The following NRF1 variants were observed in gnomAD, a reference collection of about 807,000 sequenced individuals.
NRF1 encodes alpha palindromic-binding protein.
In NRF1, 5 loss-of-function variants were observed where a neutral mutation model predicts 58.5. The ratio of observed to expected loss-of-function variants is 0.09; its 90% CI spans 0.04 to 0.18. The LOEUF is 0.18. Ranked by LOEUF, NRF1 falls within the 10% of genes least tolerant of loss-of-function variation. The pLI, the probability that NRF1 is intolerant of heterozygous loss-of-function variation, is 1.00. For synonymous variants in NRF1, 224 were observed against 246.7 expected, an observed-to-expected ratio of 0.91 and a Z score of 0.86; for missense variants, 288 against 657.7, an observed-to-expected ratio of 0.44 and a Z score of 6.15.
intron 1 of NRF1, among the ~76,000 whole-genome samples, chr7:129,651,865 G>A (rs1454976979): frequency 2.0e-5 from 3 of 152,168 alleles, no homozygotes; most frequent in Non-Finnish European, 4.4e-5. Flanking sequence ...ACAGGATATG[G>A]AAGGGTAGCT....
At chr7:129,690,567 A>G in intron 5 of NRF1, 21 bp downstream of exon 5, 1 of 1,613,724 alleles carries the variant, frequency 6.2e-7, no homozygotes, top group Non-Finnish European at 8.5e-7. Flanking sequence ...GGAGGTGAGG[A>G]GGAGACTCAA....
At chr7:129,661,066 A>G (rs1801769666) in intron 2 of NRF1, among the ~76,000 whole-genome samples, 1 of 151,354 alleles carries the variant, frequency 6.6e-6, no homozygotes, top group African/African-American at 2.5e-5. Flanking sequence ...GGAAGCTGCT[A>G]AGGCTTGGGG....
At chr7:129,671,342 T>A (rs1302680714) in intron 2 of NRF1, 87 bp from the exon 3 acceptor site, 1 of 727,404 alleles carries the variant, frequency 1.4e-6, no homozygotes, top group Non-Finnish European at 2.4e-6. Flanking sequence ...AGGAAAGCAG[T>A]GCTACCTTTT....
chr7:129,703,836 G>A lies in NRF1; in HGVS notation c.607-5239G>A, dbSNP rs1410256760. On this transcript the variant is annotated intron_variant, in intron 5 of 10. Coordinates refer to ENST00000393232, the MANE Select transcript of NRF1 (RefSeq NM_005011.5). ...TTTTGACTTGATGAGGTTTCTGCCT[G>A]TGGAAGTAACCTTCTTTTTGTACTG... 2.6e-5 allele frequency among the ~76,000 whole-genome samples: 4 copies of A among 152,136 alleles called. No homozygotes were observed. The South Asian group carries it at 8.3e-4, about 32-fold the overall frequency.
chr7:129,620,038 C>G lies in NRF1; in HGVS notation c.-7+8214C>G, dbSNP rs1173078947. On this transcript the variant is annotated intron_variant, in intron 1 of 10. Coordinates refer to ENST00000393232, the MANE Select transcript of NRF1 (RefSeq NM_005011.5). ...AGATTTTTCAAGGGGGCTGTTGACACACAGAAAAGTCAAGGGCCTTTACTA... is the reference window on the plus strand; with the variant it reads ...AGATTTTTCAAGGGGGCTGTTGACAGACAGAAAAGTCAAGGGCCTTTACTA... Among the ~76,000 whole-genome samples the G allele has an allele frequency of 2.0e-5, 3 of 152,182 alleles. 1 individual carries two copies. The East Asian group carries it at 5.8e-4, about 29-fold the overall frequency.
chr7:129,654,693 C>T (rs1365271464), intron 1 of NRF1, among the ~76,000 whole-genome samples: 1 of 152,210 alleles, frequency 6.6e-6, no homozygotes, highest in African/African-American at 2.4e-5. Flanking sequence ...CTTGTTCCAG[C>T]ACCATTCATT....
intron 10 of NRF1, among the ~76,000 whole-genome samples, chr7:129,728,067 G>C (rs1406668498): frequency 6.6e-6 from 1 of 152,190 alleles, no homozygotes; most frequent in East Asian, 1.9e-4. Context: ...CAGTTGGCAA[G>C]ACAAGCTGCC....
chr7:129,685,153 T>G (rs1047998489), intron 4 of NRF1, among the ~76,000 whole-genome samples: 3 of 152,242 alleles, frequency 2.0e-5, no homozygotes, highest in Admixed American at 1.3e-4. Context: ...TCCCAAAGAC[T>G]CTTCCTTTAT....
chr7:129,711,453 C>T (rs149330430), intron 7 of NRF1, 22 bp from the exon 8 acceptor site: 16,082 of 1,585,592 alleles, frequency 0.01, 146 homozygotes, highest in Non-Finnish European at 9.8e-3. Context: ...GACACTTAAC[C>T]ACTTTCCATA....
intron 10 of NRF1, among the ~76,000 whole-genome samples, chr7:129,738,586 C>T (rs1001526688): frequency 6.6e-6 from 1 of 152,216 alleles, no homozygotes; most frequent in East Asian, 1.9e-4. Flanking sequence ...TGGCTATACA[C>T]ATTGAGCATA....
intron 1 of NRF1, among the ~76,000 whole-genome samples, chr7:129,628,811 C>G (rs986829206): frequency 2.0e-5 from 3 of 152,222 alleles, no homozygotes; most frequent in Non-Finnish European, 2.9e-5. Context: ...GGTAACTACT[C>G]TTACATTAAA....
chr7:129,718,520 A>G (rs1803242421), intron 9 of NRF1, among the ~76,000 whole-genome samples: 2 of 152,224 alleles, frequency 1.3e-5, no homozygotes, highest in South Asian at 4.1e-4. Context: ...GTGCTCTAGC[A>G]TATACTCTGC....
At chr7:129,727,142 C>A in intron 9 of NRF1, 99 bp from the exon 10 acceptor site, 1 of 1,269,172 alleles carries the variant, frequency 7.9e-7, no homozygotes, top group Non-Finnish European at 1.1e-6. Context: ...ACCATGGAGT[C>A]AGTAGAAAGA....
At chr7:129,671,913 T>C (rs1344947208) in intron 3 of NRF1, among the ~76,000 whole-genome samples, 1 of 151,936 alleles carries the variant, frequency 6.6e-6, no homozygotes, top group Non-Finnish European at 1.5e-5. Flanking sequence ...GGGAAAAAAA[T>C]ACAGTGGAGT....
At chr7:129,706,744 C>T (rs574710386) in intron 5 of NRF1, among the ~76,000 whole-genome samples, 3 of 152,208 alleles carry the variant, frequency 2.0e-5, no homozygotes, top group South Asian at 2.1e-4. Context: ...AAGATATCCA[C>T]GTCCAGGTGC....
intron 1 of NRF1, among the ~76,000 whole-genome samples, chr7:129,623,491 T>C (rs78875322): frequency 0.022 from 3,360 of 152,242 alleles, 129 homozygotes; most frequent in African/African-American, 0.078. Context: ...AAATATGTGA[T>C]ATATATAATT....
chr7:129,689,699 A>T (rs1381102397), intron 4 of NRF1, among the ~76,000 whole-genome samples: 2 of 152,210 alleles, frequency 1.3e-5, no homozygotes, highest in Non-Finnish European at 2.9e-5. Context: ...CAGACAACGA[A>T]CAACAATATC....
chr7:129,696,137 A>G (rs934103047), intron 5 of NRF1, among the ~76,000 whole-genome samples: 2 of 150,522 alleles, frequency 1.3e-5, no homozygotes, highest in African/African-American at 2.4e-5. Context: ...CCAGCTACTC[A>G]GGAGGCTGAG....
intron 8 of NRF1, among the ~76,000 whole-genome samples, chr7:129,712,115 A>T (rs1350355155): frequency 7.0e-6 from 1 of 143,680 alleles, no homozygotes; most frequent in Non-Finnish European, 1.5e-5. Flanking sequence ...TGGGCTAAAC[A>T]CTCAACCCTA....
Sources: allele counts gnomAD v4.1 joint callset (sites outside exome capture counted in the v4.1 genomes callset), GRCh38; gene constraint gnomAD v4.1.1; transcripts MANE v1.5; gene names NCBI Gene and HGNC (gene_info 2026-07-23, HGNC 2026-07-21).